PLCE1: variants seen among roughly 807,000 people sequenced by gnomAD.
The protein encoded by PLCE1 is 1-phosphatidylinositol 4,5-bisphosphate phosphodiesterase epsilon-1.
PLCE1 carries 119 observed loss-of-function variants against 242.8 expected under a neutral mutation model. The ratio of observed to expected loss-of-function variants is 0.49; its 90% CI spans 0.42 to 0.57. The LOEUF (loss-of-function observed/expected upper bound fraction) is 0.57. Among genes scored for constraint, PLCE1 ranks in the 20% least tolerant of loss-of-function variants. PLCE1 has a pLI of 0.00. For missense variants in PLCE1, 2,441 were observed against 2,788.8 expected (o/e 0.88, Z 2.81); for synonymous variants, 945 against 1,017.4 (o/e 0.93, Z 1.35).
intron 5 of PLCE1, among the ~76,000 whole-genome samples, chr10:94,232,688 C>T (rs1195698617): frequency 6.6e-6 from 1 of 152,196 alleles, no homozygotes; most frequent in Non-Finnish European, 1.5e-5. Context: ...CTCACAGGCC[C>T]TTTCTGCTAG....
At chr10:94,324,744 C>A (rs997271072) in intron 31 of PLCE1, 148 bp from the exon 32 acceptor site, 9 of 957,342 alleles carry the variant, frequency 9.4e-6, no homozygotes, top group Non-Finnish European at 1.5e-5. Flanking sequence ...GCCGAGCTTG[C>A]GGTTAAGCAG....
At position 94,332,329 on chromosome 10, in the gene PLCE1, C is replaced by G. The variant is rs1022124982; in HGVS notation, c.*4386C>G. The G allele has an allele frequency of 6.6e-6, 1 of 152,068 alleles. No individual in the cohort carries two copies. Among genetic ancestry groups the G allele is most frequent in the Non-Finnish European group, 1.5e-5 (1 of 68,034 alleles). 9.4% of individuals were successfully genotyped at this position (152,068 alleles called of 1,614,324 possible). ...TGGGTACTGTCGCATTTTTCAAAAG[C>G]GTTATGTGGATGATTTGACTCAGCA... is the stretch of plus-strand genomic sequence containing the variant. On this transcript the variant is annotated 3_prime_UTR_variant, in exon 33 of 33. Coordinates refer to ENST00000371380, the MANE Select transcript of PLCE1 (RefSeq NM_016341.4).
intron 3 of PLCE1, among the ~76,000 whole-genome samples, chr10:94,154,395 G>A (rs573532700): frequency 1.3e-5 from 2 of 152,210 alleles, no homozygotes; most frequent in South Asian, 2.1e-4. Context: ...AAAGCTTCAC[G>A]ACATTGGGTC....
Position 94,240,642 on chromosome 10 carries a change from GAACACTTACAAAGAAAATATTT to G in PLCE1, c.2420+4526_2420+4547del, listed in dbSNP as rs546218159. 4.6e-4 allele frequency among the ~76,000 whole-genome samples: 70 copies of G among 152,116 alleles called. No individual in the cohort carries two copies. The East Asian group carries it at 0.013, about 28-fold the overall frequency. ...TATGTTAAATTGGCAGGAAGCAAACGAACACTTACAAAGAAAATATTTAACCAGGTTAACAAATACCTGTTGA... is the reference window on the plus strand; with the variant it reads ...TATGTTAAATTGGCAGGAAGCAAACGAACCAGGTTAACAAATACCTGTTGA... On this transcript the variant is annotated intron_variant, in intron 7 of 32. Transcript: ENST00000371380.
At chr10:94,066,536 T>G (rs1035160400) in intron 2 of PLCE1, among the ~76,000 whole-genome samples, 4 of 152,078 alleles carry the variant, frequency 2.6e-5, no homozygotes, top group African/African-American at 9.7e-5. Context: ...ACCAACTCAC[T>G]CCCAACTTCA....
At chr10:94,096,564 C>T (rs958061012) in intron 2 of PLCE1, 6 of 152,190 alleles carry the variant, frequency 3.9e-5, no homozygotes, top group African/African-American at 9.6e-5. Flanking sequence ...TGACTGCCCC[C>T]GTGATTCAAT....
chr10:94,281,604 C>T (rs1013652615), intron 20 of PLCE1, among the ~76,000 whole-genome samples: 1 of 152,122 alleles, frequency 6.6e-6, no homozygotes, highest in Non-Finnish European at 1.5e-5. Flanking sequence ...ACTGTGATAC[C>T]TGGGGCAATG....
chr10:94,296,287 A>C (rs2052810963), intron 23 of PLCE1, among the ~76,000 whole-genome samples: 2 of 149,802 alleles, frequency 1.3e-5, no homozygotes, highest in Non-Finnish European at 1.5e-5. Context: ...AATGGCGTGA[A>C]CCCGGGAGGC....
chr10:94,071,092 T>C (rs574346609), intron 2 of PLCE1, among the ~76,000 whole-genome samples: 14 of 151,808 alleles, frequency 9.2e-5, no homozygotes. Context: ...CAAGACCTGA[T>C]AGATAGTAAG....
rs1224025853 is a variant in PLCE1 at position 94,327,959 on chromosome 10, A to T, written c.*25-9A>T. On this transcript the variant is annotated splice_polypyrimidine_tract_variant and intron_variant, in intron 32 of 32. Coordinates refer to ENST00000371380, the MANE Select transcript of PLCE1 (RefSeq NM_016341.4). ...GTATACTAATAAGCCTCTGTATACA[A>T]CATTACAGGTGAAGATCTTTAAGCA... 1 of 532,580 alleles carries T rather than the reference A, an allele frequency of 1.9e-6. No individual in the cohort carries two copies. Among genetic ancestry groups the T allele is most frequent in the Admixed American group, 1.9e-5 (1 of 51,504 alleles). 33.0% of individuals were successfully genotyped at this position (532,580 alleles called of 1,614,324 possible).
At chr10:94,226,055 G>T (rs1413518294) in intron 4 of PLCE1, among the ~76,000 whole-genome samples, 1 of 152,230 alleles carries the variant, frequency 6.6e-6, no homozygotes, top group Admixed American at 6.5e-5. Context: ...TATCAACCCA[G>T]ATGCTAGTCA....
chr10:94,064,524 A>T (rs1325452936), intron 2 of PLCE1, among the ~76,000 whole-genome samples: 1 of 152,178 alleles, frequency 6.6e-6, no homozygotes, highest in African/African-American at 2.4e-5. Flanking sequence ...CCTGGGTGAC[A>T]GAGTGAGACT....
chr10:94,284,184 G>A (rs2133327659), intron 21 of PLCE1, among the ~76,000 whole-genome samples: 1 of 152,346 alleles, frequency 6.6e-6, no homozygotes, highest in East Asian at 1.9e-4. Flanking sequence ...AGGCAGACAT[G>A]TCAACTGTGT....
At chr10:94,188,495 C>T (rs148531116) in intron 4 of PLCE1, among the ~76,000 whole-genome samples, 3 of 152,314 alleles carry the variant, frequency 2.0e-5, no homozygotes, top group South Asian at 2.1e-4. Context: ...TCTTGGACTC[C>T]GGCCTATCCT....
At chr10:94,061,709 AAAG>A (rs2044060998) in intron 2 of PLCE1, among the ~76,000 whole-genome samples, 1 of 152,194 alleles carries the variant, frequency 6.6e-6, no homozygotes, top group Non-Finnish European at 1.5e-5. Flanking sequence ...AAAAAAAAAA[AAAG>A]AAGTTAATCC....
chr10:94,199,428 G>A (rs772961493), intron 4 of PLCE1, among the ~76,000 whole-genome samples: 16 of 152,168 alleles, frequency 1.1e-4, no homozygotes, highest in Non-Finnish European at 2.2e-4. Flanking sequence ...CAGGATTGTT[G>A]TAAAGATAGA....
At chr10:94,032,400 C>G (rs1257405239) in intron 2 of PLCE1, 148 bp downstream of exon 2, 2 of 716,034 alleles carry the variant, frequency 2.8e-6, no homozygotes, top group Non-Finnish European at 4.7e-6. Flanking sequence ...TTATTGAAAA[C>G]AGATACTCCA....
At chr10:94,127,829 C>G (rs1329482731) in intron 2 of PLCE1, among the ~76,000 whole-genome samples, 1 of 152,134 alleles carries the variant, frequency 6.6e-6, no homozygotes, top group Non-Finnish European at 1.5e-5. Context: ...CAAGGTCACA[C>G]AGCTGGGAAG....
At chr10:94,266,061 T>G (rs1314604654) in intron 16 of PLCE1, 103 bp downstream of exon 16, 1 of 1,012,466 alleles carries the variant, frequency 9.9e-7, no homozygotes, top group East Asian at 2.4e-5. Flanking sequence ...GAAGAGCTTA[T>G]AGAGTAAGCT....
Sources: allele counts gnomAD v4.1 joint callset (sites outside exome capture counted in the v4.1 genomes callset), GRCh38; gene constraint gnomAD v4.1.1; transcripts MANE v1.5; gene names NCBI Gene and HGNC (gene_info 2026-07-23, HGNC 2026-07-21).